The following SLC38A10 variants were observed in gnomAD, a reference collection of about 807,000 sequenced individuals.
SLC38A10 encodes Sodium-coupled neutral amino acid transporter 10.
Under a neutral mutation model 81.0 loss-of-function variants are expected in SLC38A10, and 53 were observed. The ratio of observed to expected loss-of-function variants is 0.65; its 90% CI spans 0.53 to 0.82. SLC38A10 has a LOEUF of 0.82. Ranked by LOEUF, SLC38A10 falls within the 40% of genes least tolerant of loss-of-function variation. SLC38A10 has a pLI of 0.00. For synonymous variants in SLC38A10, 665 were observed against 655.3 expected (o/e 1.01, Z -0.23); for missense variants, 1,471 against 1,545.0 (o/e 0.95, Z 0.80).
At chr17:81,274,435 T>C (rs1311647441) in intron 8 of SLC38A10, among the ~76,000 whole-genome samples, 1 of 152,220 alleles carries the variant, frequency 6.6e-6, no homozygotes, top group East Asian at 1.9e-4. Context: ...GACTCTCCCC[T>C]GGATTCTCTG....
At chr17:81,255,849 G>C (rs1337446046) in intron 11 of SLC38A10, among the ~76,000 whole-genome samples, 3 of 152,192 alleles carry the variant, frequency 2.0e-5, no homozygotes, top group African/African-American at 7.2e-5. Flanking sequence ...GCCGGGTGTG[G>C]TGCCGCGCCT....
At chr17:81,255,712 C>T (rs1048822988) in intron 11 of SLC38A10, among the ~76,000 whole-genome samples, 3 of 152,232 alleles carry the variant, frequency 2.0e-5, no homozygotes, top group Non-Finnish European at 4.4e-5. Context: ...AAATCGCCTC[C>T]AGGCCAGGCA....
chr17:81,285,736 C>G (rs1413024572), intron 2 of SLC38A10: 2 of 150,940 alleles, frequency 1.3e-5, no homozygotes, highest in African/African-American at 5.0e-5. Context: ...CCAGCCCCGT[C>G]GGCAGCCCCA....
In SLC38A10 at chr17:81,281,412, G is replaced by A. The variant is rs962665523; in HGVS notation, c.502-679C>T. Among the ~76,000 whole-genome samples the A allele has an allele frequency of 6.6e-6, 1 of 152,148 alleles. No individual in the cohort carries two copies. Among genetic ancestry groups the A allele is most frequent in the Non-Finnish European group, 1.5e-5 (1 of 68,024 alleles). On this transcript the variant is annotated intron_variant, in intron 5 of 15. Transcript: ENST00000374759. The surrounding 1 kb of genome is among the most constrained non-coding windows in gnomAD (Gnocchi z 5.3). ...ATGGAGGGTGTGCTGGGGGCTCTGG[G>A]TGGTATCCGTGTTCTCAGTGCCAAC...
At position 81,256,097 on chromosome 17, in the gene SLC38A10, C is replaced by T. The variant is rs569645173; in HGVS notation, c.1289-2857G>A. Among the ~76,000 whole-genome samples the T allele has an allele frequency of 1.6e-4, 25 of 152,356 alleles. No individual in the cohort carries two copies. In the South Asian group the frequency reaches 2.5e-3, roughly 15 times the overall value. Reference sequence around the variant, plus strand: ...GCGGCTCCTCACTGCCAGGTGCTGACGCAGGTTCCCAGCTCCTGGCACCCA... The same window carrying T: ...GCGGCTCCTCACTGCCAGGTGCTGATGCAGGTTCCCAGCTCCTGGCACCCA... On this transcript the variant is annotated intron_variant, in intron 11 of 15. Coordinates refer to ENST00000374759, the MANE Select transcript of SLC38A10 (RefSeq NM_001037984.3).
Position 81,252,431 on chromosome 17 carries a change from G to A in SLC38A10, c.1709C>T (p.Ala570Val), listed in dbSNP as rs376751634. The change falls in exon 13 of 16, where the codon GCG (alanine) becomes GTG (valine). Residue 570 changes from alanine (A) to valine (V), a missense_variant. This residue lies in a region of SLC38A10 where 720 missense variants were observed against 827.7 expected (regional missense o/e 0.87). Transcript: ENST00000374759. Reference protein sequence around the residue: ...RPGQAQALEEAGDLPEDPQKV... With the variant: ...RPGQAQALEEVGDLPEDPQKV... ...CTGGGGATCTTCAGGAAGATCACCC[G>A]CCTCCTCCAAGGCCTGGGCCTGTCC... is the stretch of plus-strand genomic sequence containing the variant. The A allele has an allele frequency of 8.7e-6, 14 of 1,613,108 alleles. No individual in the cohort carries two copies. The East Asian group carries it at 1.1e-4, about 13-fold the overall frequency.
rs894975004 is a variant in SLC38A10 at position 81,284,071 on chromosome 17, T to G, written c.264-569A>C. 2.7e-5 allele frequency among the ~76,000 whole-genome samples: 4 copies of G among 150,934 alleles called. No homozygotes were observed. The East Asian group carries it at 8.0e-4, about 30-fold the overall frequency. The stretch of plus-strand genomic sequence containing the variant: ...GCTCTAAAAGTTACAAAAATCTCCA[T>G]GATGGGCCTGGCACAGTGGCTCACG... On this transcript the variant is annotated intron_variant, in intron 3 of 15. Transcript: ENST00000374759.
rs142526456 is a variant in SLC38A10, at chr17:81,257,811, G to T, written c.1288+2427C>A. Among the ~76,000 whole-genome samples, 1,423 of 152,366 alleles carry T rather than the reference G, an allele frequency of 9.3e-3. 33 individuals are homozygous for T. The highest frequency in any genetic ancestry group is 0.033 in the African/African-American group (1,359 of 41,590). On this transcript the variant is annotated intron_variant, in intron 11 of 15. Transcript: ENST00000374759. ...TGCAGCTGTGCCTGCCCCGCTGGGGGAGCGGGGACGAGGGTGCCCGAGGGG... is the reference window on the plus strand; with the variant it reads ...TGCAGCTGTGCCTGCCCCGCTGGGGTAGCGGGGACGAGGGTGCCCGAGGGG...
In SLC38A10 at chr17:81,294,899, T is replaced by G. The variant is rs758155994; in HGVS notation, c.23A>C (p.Asn8Thr). 4 of 1,591,756 alleles carry G rather than the reference T, an allele frequency of 2.5e-6. No individual in the cohort carries two copies. The African/African-American group carries it at 4.1e-5, about 16-fold the overall frequency. Reference protein sequence around the residue: MTAAAASNWGLITNIVNS... With the variant: MTAAAASTWGLITNIVNS... The stretch of plus-strand genomic sequence containing the variant: ...CACGATGTTCGTGATCAGCCCCCAG[T>G]TGGAGGCGGCGGCCGCGGTCATAGT... The change falls in exon 1 of 16, where the codon AAC becomes ACC. Residue 8 changes from asparagine to threonine, a missense_variant. Around this residue, in one of 2 missense-constraint regions of SLC38A10, gnomAD observed 720 missense variants for 827.7 expected, o/e 0.87. Transcript: ENST00000374759.
At chr17:81,272,457 G>T in intron 9 of SLC38A10, 59 bp downstream of exon 9, 14 of 1,128,828 alleles carry the variant, frequency 1.2e-5, no homozygotes, top group Admixed American at 2.5e-5. Flanking sequence ...TGCAGGTCTT[G>T]GTTGATGCCG....
rs1488696619 is a variant in SLC38A10, at chr17:81,276,578, G to A, written c.730-427C>T. Among the ~76,000 whole-genome samples the A allele has an allele frequency of 6.6e-6, 1 of 152,034 alleles. No individual in the cohort carries two copies. The highest frequency in any genetic ancestry group is 1.5e-5 in the Non-Finnish European group (1 of 68,014). On this transcript the variant is annotated intron_variant, in intron 7 of 15. Coordinates refer to ENST00000374759, the MANE Select transcript of SLC38A10 (RefSeq NM_001037984.3). The surrounding 1 kb of genome is among the most constrained non-coding windows in gnomAD (Gnocchi z 4.7). The stretch of plus-strand genomic sequence containing the variant: ...AGCTAATTTTTGTATTTTTAGTAGA[G>A]ACAGGGTTTCACCATGTTGGCCAGG...
intron 11 of SLC38A10, among the ~76,000 whole-genome samples, chr17:81,254,259 A>G (rs2062952503): frequency 6.6e-6 from 1 of 152,248 alleles, no homozygotes; most frequent in Non-Finnish European, 1.5e-5. Flanking sequence ...AATGGGGACA[A>G]TTAGCTTAGC....
intron 10 of SLC38A10, among the ~76,000 whole-genome samples, chr17:81,262,521 C>T (rs966580177): frequency 9.2e-5 from 14 of 152,248 alleles, no homozygotes; most frequent in African/African-American, 3.1e-4. Flanking sequence ...TCACATTTCT[C>T]CAGCTGAGGG....
Position 81,246,456 on chromosome 17 carries a change from G to T in SLC38A10, c.2460C>A (p.Gly820=). Reference sequence around the variant, plus strand: ...CTGCCCGAGGCTCTGTGTCAGGGCCGCCGTCAGGAGGGCCAGCAGGGTCTC... The same window carrying T: ...CTGCCCGAGGCTCTGTGTCAGGGCCTCCGTCAGGAGGGCCAGCAGGGTCTC... ...VGRDPAGPPD[G]GPDTEPRAAQ... is the part of the protein sequence containing the mutation. Residue 820 remains glycine, a synonymous_variant, in exon 16 of 16, where the codon GGC becomes GGA. Transcript: ENST00000374759. 1 of 1,582,850 alleles carries T rather than the reference G, an allele frequency of 6.3e-7. No homozygotes were observed. The highest frequency in any genetic ancestry group is 8.6e-7 in the Non-Finnish European group (1 of 1,165,408).
At chr17:81,248,412 G>A (rs2062874254) in intron 14 of SLC38A10, among the ~76,000 whole-genome samples, 1 of 152,234 alleles carries the variant, frequency 6.6e-6, no homozygotes, top group Non-Finnish European at 1.5e-5. Context: ...AAGAGCTGGT[G>A]CCTGCAGCAA....
Position 81,246,168 on chromosome 17 carries a change from C to A in SLC38A10, c.2748G>T (p.Gly916=). Reference sequence around the variant, plus strand: ...GAGGGTCCCCCGTCTCTGCTCCTGGCCCTGCCACGAGCCAGTTGGCTTCCT... The same window carrying A: ...GAGGGTCCCCCGTCTCTGCTCCTGGACCTGCCACGAGCCAGTTGGCTTCCT... ...ILKEANWLVA[G]PGAETGDPRM... Residue 916 remains glycine (G), a synonymous_variant, in exon 16 of 16, where the codon GGG becomes GGT. Transcript: ENST00000374759. The A allele has an allele frequency of 6.2e-7, 1 of 1,612,124 alleles. No homozygotes were observed. The highest frequency in any genetic ancestry group is 8.5e-7 in the Non-Finnish European group (1 of 1,179,900).
chr17:81,273,879 C>T (rs1053281925), intron 8 of SLC38A10, among the ~76,000 whole-genome samples: 11 of 152,190 alleles, frequency 7.2e-5, no homozygotes, highest in South Asian at 2.1e-4. Context: ...CGTGGAGAAA[C>T]GCTCACGGCA....
At chr17:81,257,130 CT>C (rs889034189) in intron 11 of SLC38A10, among the ~76,000 whole-genome samples, 2 of 152,104 alleles carry the variant, frequency 1.3e-5, no homozygotes, top group African/African-American at 2.4e-5. Context: ...AGAAAGTTTT[CT>C]TTTTAAGAGA....
At chr17:81,274,372 A>G (rs2063142921) in intron 8 of SLC38A10, among the ~76,000 whole-genome samples, 3 of 152,256 alleles carry the variant, frequency 2.0e-5, no homozygotes, top group South Asian at 4.1e-4. Flanking sequence ...CAGTGAGCCA[A>G]TGCTATCGTT....
Sources: allele counts gnomAD v4.1 joint callset (sites outside exome capture counted in the v4.1 genomes callset), GRCh38; gene constraint gnomAD v4.1.1; regional missense constraint gnomAD v4.1.1; non-coding constraint Gnocchi (gnomAD v3.1); transcripts MANE v1.5; gene names NCBI Gene and HGNC (gene_info 2026-07-23, HGNC 2026-07-21).